MAP3K2: variants seen among roughly 807,000 people sequenced by gnomAD.
MAP3K2 encodes the protein mitogen-activated protein kinase kinase kinase 2, also known as MAP/ERK kinase kinase 2.
Under a neutral mutation model 80.3 loss-of-function variants are expected in MAP3K2, and 24 were observed. The observed-to-expected ratio is 0.30, with a 90% CI of 0.22 to 0.42. MAP3K2 has a LOEUF of 0.42. MAP3K2 is among the 10% of genes least tolerant of loss of function. MAP3K2 has a pLI of 1.00. For synonymous variants in MAP3K2, 244 were observed against 253.7 expected, an observed-to-expected ratio of 0.96 and a Z score of 0.36; for missense variants, 608 against 750.1, an observed-to-expected ratio of 0.81 and a Z score of 2.21.
At chr2:127,369,536 G>C (rs1170905217) in intron 1 of MAP3K2, among the ~76,000 whole-genome samples, 1 of 147,338 alleles carries the variant, frequency 6.8e-6, no homozygotes, top group East Asian at 2.0e-4. Flanking sequence ...TCTTAGATTG[G>C]AGATCTCTTT....
intron 14 of MAP3K2, among the ~76,000 whole-genome samples, chr2:127,315,734 T>G (rs1395199037): frequency 6.6e-6 from 1 of 151,220 alleles, no homozygotes; most frequent in Non-Finnish European, 1.5e-5. Context: ...AGGTCAGGAG[T>G]TCAAGACCAG....
chr2:127,340,643 C>A (rs1355711475), intron 2 of MAP3K2, among the ~76,000 whole-genome samples: 1 of 147,982 alleles, frequency 6.8e-6, no homozygotes, highest in Non-Finnish European at 1.5e-5. Flanking sequence ...AGCAACAGAG[C>A]ATGAATCTGT....
At chr2:127,372,326 C>T (rs1308742363) in intron 1 of MAP3K2, among the ~76,000 whole-genome samples, 11 of 152,034 alleles carry the variant, frequency 7.2e-5, no homozygotes, top group African/African-American at 1.7e-4. Context: ...GGGAAAGGGA[C>T]GTTTTGGAAG....
intron 1 of MAP3K2, among the ~76,000 whole-genome samples, chr2:127,347,392 C>T (rs1686615162): frequency 6.6e-6 from 1 of 152,090 alleles, no homozygotes; most frequent in Non-Finnish European, 1.5e-5. Context: ...AGCACAGATG[C>T]AGGATACAAG....
intron 4 of MAP3K2, 148 bp downstream of exon 4, chr2:127,337,590 A>AG (rs1686398855): frequency 3.9e-6 from 2 of 508,982 alleles, no homozygotes; most frequent in African/African-American, 4.0e-5. Flanking sequence ...CTTAAGTCTA[A>AG]GCACATTACA....
chr2:127,312,760 C>T (rs1170960623), intron 15 of MAP3K2, among the ~76,000 whole-genome samples: 1 of 152,048 alleles, frequency 6.6e-6, no homozygotes, highest in Non-Finnish European at 1.5e-5. Context: ...GTTGCGAGTT[C>T]GAGACCAGCC....
At chr2:127,370,288 CT>C (rs1687041381) in intron 1 of MAP3K2, among the ~76,000 whole-genome samples, 1 of 152,176 alleles carries the variant, frequency 6.6e-6, no homozygotes, top group African/African-American at 2.4e-5. Flanking sequence ...GCCCAGTCCC[CT>C]AGCCCACTCT....
rs1380139622 is a variant in MAP3K2 at position 127,321,117 on chromosome 2, TGAA to T, written c.1045+926_1045+928del. Among the ~76,000 whole-genome samples the T allele has an allele frequency of 1.3e-5, 2 of 152,076 alleles. No homozygotes were observed. Among genetic ancestry groups the T allele is most frequent in the Non-Finnish European group, 2.9e-5 (2 of 68,004 alleles). On this transcript the variant is annotated intron_variant, in intron 12 of 16. Coordinates refer to ENST00000682094, the MANE Select transcript of MAP3K2 (RefSeq NM_001371910.2). This position sits in a 1 kb window ranked among gnomAD's most constrained non-coding sequence, Gnocchi z 4.4. Reference sequence around the variant, plus strand: ...ACAGAGTGAGATCCTGTTTCAAAAATGAAGGAGAAATAGACTTTTTTCAAACAA... The same window carrying T: ...ACAGAGTGAGATCCTGTTTCAAAAATGGAGAAATAGACTTTTTTCAAACAA...
At chr2:127,346,308 ATAAAAAG>A (rs1686593823) in intron 1 of MAP3K2, among the ~76,000 whole-genome samples, 1 of 151,480 alleles carries the variant, frequency 6.6e-6, no homozygotes, top group African/African-American at 2.4e-5. Flanking sequence ...GAACAGACCT[ATAAAAAG>A]TAAAAAGACT....
chr2:127,346,744 T>C lies in MAP3K2; in HGVS notation c.-65-3550A>G, dbSNP rs190431149. ...GGCTCATGCCTGTAATCCCAGCACTTTGGGAGGCTGAGGCAGGCGGATCAC... is the reference window on the plus strand; with the variant it reads ...GGCTCATGCCTGTAATCCCAGCACTCTGGGAGGCTGAGGCAGGCGGATCAC... On this transcript the variant is annotated intron_variant, in intron 1 of 16. Transcript: ENST00000682094. Among the ~76,000 whole-genome samples the C allele has an allele frequency of 8.5e-3, 1,295 of 151,984 alleles. 27 individuals carry two copies. The highest frequency in any genetic ancestry group is 0.03 in the African/African-American group (1,235 of 41,396).
rs375438743 is a variant in MAP3K2, at chr2:127,377,338, T to C, written c.-66+10114A>G. ...AGCAATTATAAAAAAATGTGGGCAA[T>C]TATAAAAGCAATTATAAAAGCTATT... On this transcript the variant is annotated intron_variant, in intron 1 of 16. Coordinates refer to ENST00000682094, the MANE Select transcript of MAP3K2 (RefSeq NM_001371910.2). 5.3e-5 allele frequency among the ~76,000 whole-genome samples: 8 copies of C among 152,066 alleles called. 1 individual carries two copies. The highest frequency in any genetic ancestry group is 1.9e-4 in the African/African-American group (8 of 41,476).
At position 127,324,199 on chromosome 2, in the gene MAP3K2, G is replaced by C; in HGVS notation, c.720C>G (p.Tyr240Ter). ...CTGAAAATTCCTGATGATTATCTGG[G>C]TAGCTCTGAGCCCTAGGCATTCGTG... ...PKSRMPRAQS[Y>*]PDNHQEFSDY... The change falls in exon 10 of 17, where the codon TAC becomes TAG. Residue 240 changes from tyrosine (Y) to a stop codon, truncating the protein, a stop_gained. Transcript: ENST00000682094. LOFTEE classifies it high-confidence loss of function. 1 of 1,563,566 alleles carries C rather than the reference G, an allele frequency of 6.4e-7. No individual in the cohort carries two copies.
chr2:127,327,013 AATT>A (rs1267557203), intron 7 of MAP3K2, among the ~76,000 whole-genome samples, 196 bp from the exon 8 acceptor site: 1 of 152,324 alleles, frequency 6.6e-6, no homozygotes, highest in South Asian at 2.1e-4. Context: ...ACCCTATCAT[AATT>A]ATTAACCTCA....
In MAP3K2 at chr2:127,300,254, T is replaced by C. The variant is rs939068050; in HGVS notation, c.*7325A>G. 1 of 152,060 alleles carries C rather than the reference T, an allele frequency of 6.6e-6. No individual in the cohort carries two copies. The highest frequency in any genetic ancestry group is 2.4e-5 in the African/African-American group (1 of 41,414). The allele number at this position is 152,060 out of a possible 1,614,324, so 9.4% of individuals were successfully genotyped here. A position where few individuals can be genotyped will look rare whatever the true frequency, so the allele number is the denominator to read the frequency against. ...ACTCATCAACAATTATTGGTCAGAG[T>C]AGTAAATCAGTGTACAAATTAAACA... On this transcript the variant is annotated 3_prime_UTR_variant, in exon 17 of 17. Transcript: ENST00000682094.
chr2:127,318,070 A>T, intron 13 of MAP3K2, 99 bp downstream of exon 13: 1 of 993,696 alleles, frequency 1.0e-6, no homozygotes, highest in Non-Finnish European at 1.4e-6. Context: ...TTTGAAAAAA[A>T]ATGCTTCTTA....
In MAP3K2 at chr2:127,322,312, A is replaced by G; in HGVS notation, c.839-60T>C. The G allele has an allele frequency of 9.0e-7, 1 of 1,117,074 alleles. No homozygotes were observed. The highest frequency in any genetic ancestry group is 1.3e-6 in the Non-Finnish European group (1 of 782,196). 69.2% of individuals were successfully genotyped at this position (1,117,074 alleles called of 1,614,324 possible). ...TATTAATATGTTATACTTTTAAAGT[A>G]TTTAAAATTTGTAATGTAGAGAATA... is the stretch of plus-strand genomic sequence containing the variant. On this transcript the variant is annotated intron_variant, in intron 11 of 16. Coordinates refer to ENST00000682094, the MANE Select transcript of MAP3K2 (RefSeq NM_001371910.2). The surrounding 1 kb of genome is among the most constrained non-coding windows in gnomAD (Gnocchi z 4.2).
At chr2:127,333,393 C>A (rs2104836223) in intron 5 of MAP3K2, among the ~76,000 whole-genome samples, 1 of 152,106 alleles carries the variant, frequency 6.6e-6, no homozygotes, top group South Asian at 2.1e-4. Context: ...TCAATTCTAG[C>A]CAACTAGAAG....
rs201100319 is a variant in MAP3K2 at position 127,341,753 on chromosome 2, C to T, written c.4+1373G>A. Reference sequence around the variant, plus strand: ...TTCACTGTGTTAGCCAGGATGGTCTCAATCTCCTGACCTCGTGATCCACCC... The same window carrying T: ...TTCACTGTGTTAGCCAGGATGGTCTTAATCTCCTGACCTCGTGATCCACCC... On this transcript the variant is annotated intron_variant, in intron 2 of 16. Coordinates refer to ENST00000682094, the MANE Select transcript of MAP3K2 (RefSeq NM_001371910.2). Among the ~76,000 whole-genome samples, 31 of 151,894 alleles carry T rather than the reference C, an allele frequency of 2.0e-4. No homozygotes were observed. In the East Asian group the frequency reaches 6.0e-3, roughly 30 times the overall value.
At position 127,304,648 on chromosome 2, in the gene MAP3K2, TA is replaced by T. The variant is rs200127720; in HGVS notation, c.*2930del. 1 of 152,556 alleles carries T rather than the reference TA, an allele frequency of 6.6e-6. No individual in the cohort carries two copies. Among genetic ancestry groups the T allele is most frequent in the Admixed American group, 6.6e-5 (1 of 15,264 alleles). The allele number at this position is 152,556 out of a possible 1,614,324, so 9.5% of individuals were successfully genotyped here. ...AAACAAAACACATTTAGAGTTATCT[TA>T]AAAAGTTCAAATTGCATTTGTTGAT... On this transcript the variant is annotated 3_prime_UTR_variant, in exon 17 of 17. Transcript: ENST00000682094.
Sources: allele counts gnomAD v4.1 joint callset (sites outside exome capture counted in the v4.1 genomes callset), GRCh38; gene constraint gnomAD v4.1.1; non-coding constraint Gnocchi (gnomAD v3.1); transcripts MANE v1.5; gene names NCBI Gene and HGNC (gene_info 2026-07-23, HGNC 2026-07-21).